The following IFNGR1 variants were observed in gnomAD, a reference collection of about 807,000 sequenced individuals.
IFNGR1 encodes interferon gamma receptor 1, also known as AVP, type 2.
Under a neutral mutation model 35.4 loss-of-function variants are expected in IFNGR1, and 23 were observed. That is an observed-to-expected ratio of 0.65 (90% confidence interval 0.47 to 0.92). The LOEUF is 0.92. IFNGR1 is among the 40% of genes least tolerant of loss of function. IFNGR1 has a pLI of 0.00. For synonymous variants in IFNGR1, 199 were observed against 209.5 expected, an observed-to-expected ratio of 0.95 and a Z score of 0.43; for missense variants, 533 against 583.4, an observed-to-expected ratio of 0.91 and a Z score of 0.89.
In IFNGR1 at chr6:137,206,313, A is replaced by T; in HGVS notation, c.201-5T>A. The T allele has an allele frequency of 6.3e-7, 1 of 1,580,446 alleles. No homozygotes were observed. The highest frequency in any genetic ancestry group is 8.7e-7 in the Non-Finnish European group (1 of 1,149,942). On this transcript the variant is annotated splice_polypyrimidine_tract_variant and splice_region_variant and intron_variant, in intron 2 of 6. Coordinates refer to ENST00000367739, the MANE Select transcript of IFNGR1 (RefSeq NM_000416.3). ...ATCCATTCTGAATTCTTAACACTAA[A>T]AAGAATAAAAAAATGCGAAGATAAC...
At chr6:137,215,432 C>T (rs938861804) in intron 1 of IFNGR1, 5 of 1,146,894 alleles carry the variant, frequency 4.4e-6, no homozygotes, top group Non-Finnish European at 4.9e-6. Context: ...ATACACAAGA[C>T]CTAAACAGAT....
chr6:137,208,960 AG>A (rs1779513080), intron 1 of IFNGR1, among the ~76,000 whole-genome samples: 1 of 152,226 alleles, frequency 6.6e-6, no homozygotes, highest in African/African-American at 2.4e-5. Context: ...GCAAAGCCAC[AG>A]GGGCAGAGCT....
chr6:137,215,699 CACACACACACAA>C (rs1332929116), intron 1 of IFNGR1, among the ~76,000 whole-genome samples: 13 of 152,058 alleles, frequency 8.5e-5, no homozygotes, highest in Non-Finnish European at 1.8e-4. Context: ...CACAAACACA[CACACACACACAA>C]ACACACACAC....
At chr6:137,200,236 C>T (rs187542749) in intron 6 of IFNGR1, among the ~76,000 whole-genome samples, 1 of 152,298 alleles carries the variant, frequency 6.6e-6, no homozygotes, top group East Asian at 1.9e-4. Context: ...CTTTGAGCAT[C>T]ACAGATATTA....
chr6:137,211,514 C>T (rs1013722919), intron 1 of IFNGR1, among the ~76,000 whole-genome samples: 2 of 152,256 alleles, frequency 1.3e-5, no homozygotes, highest in East Asian at 1.9e-4. Flanking sequence ...TTTTTGTGGC[C>T]AGTGACCAGA....
rs1481882396 is a variant in IFNGR1 at position 137,198,323 on chromosome 6, G to A, written c.1178C>T (p.Ala393Val). Residue 393 changes from alanine to valine, a missense_variant, in exon 7 of 7, where the codon GCT (alanine) becomes GTT (valine). Physicochemically the swap from Ala to Val is moderately conservative, Grantham distance 64. Transcript: ENST00000367739. Reference protein sequence around the residue: ...SSNQSEPGSIALNSYHSRNCS... With the variant: ...SSNQSEPGSIVLNSYHSRNCS... The stretch of plus-strand genomic sequence containing the variant: ...ATTTCTGGAGTGATACGAGTTTAAA[G>A]CGATGCTGCCAGGTTCAGACTGGTT... 2 of 1,613,364 alleles carry A rather than the reference G, an allele frequency of 1.2e-6. No individual in the cohort carries two copies. The highest frequency in any genetic ancestry group is 1.7e-6 in the Non-Finnish European group (2 of 1,179,936).
chr6:137,218,597 C>G lies in IFNGR1; in HGVS notation c.85+646G>C, dbSNP rs555880794. The G allele has an allele frequency of 1.2e-4, 100 of 813,800 alleles. No homozygotes were observed. The East Asian group carries it at 5.6e-3, about 45-fold the overall frequency. The allele number at this position is 813,800 out of a possible 1,614,324, so 50.4% of individuals were successfully genotyped here. A position where few individuals can be genotyped will look rare whatever the true frequency, so the allele number is the denominator to read the frequency against. On this transcript the variant is annotated intron_variant, in intron 1 of 6. Transcript: ENST00000367739. ...ACCCTAAGCACTTTGAGTCCCCCCC[C>G]CCACCCCCGCTAAGAAAGAAGTATT...
At chr6:137,205,237 C>T (rs559736563) in intron 3 of IFNGR1, among the ~76,000 whole-genome samples, 3 of 151,994 alleles carry the variant, frequency 2.0e-5, no homozygotes, top group Non-Finnish European at 4.4e-5. Flanking sequence ...TAGAAGAGAC[C>T]GAGGTGGCAC....
intron 1 of IFNGR1, 114 bp downstream of exon 1, chr6:137,219,129 G>A (rs1387783740): frequency 1.4e-6 from 2 of 1,386,674 alleles, no homozygotes; most frequent in East Asian, 2.5e-5. Context: ...GCCCGACGCA[G>A]GGGTCCCGGG....
chr6:137,213,324 A>C lies in IFNGR1; in HGVS notation c.85+5919T>G, dbSNP rs530935529. Among the ~76,000 whole-genome samples, 8 of 152,324 alleles carry C rather than the reference A, an allele frequency of 5.3e-5. No individual in the cohort carries two copies. The East Asian group carries it at 1.5e-3, about 29-fold the overall frequency. ...TGAAAATGCCAAGATAGTTTTGTGTAACTCATGTTGCTTTTGGAAATGGAC... is the reference window on the plus strand; with the variant it reads ...TGAAAATGCCAAGATAGTTTTGTGTCACTCATGTTGCTTTTGGAAATGGAC... On this transcript the variant is annotated intron_variant, in intron 1 of 6. Coordinates refer to ENST00000367739, the MANE Select transcript of IFNGR1 (RefSeq NM_000416.3).
At chr6:137,215,619 C>CAACT (rs1360372421) in intron 1 of IFNGR1, among the ~76,000 whole-genome samples, 3 of 152,182 alleles carry the variant, frequency 2.0e-5, no homozygotes, top group African/African-American at 7.2e-5. Flanking sequence ...GTTTGTAAAG[C>CAACT]AACTTCACTA....
chr6:137,218,881 AG>A (rs1285092775), intron 1 of IFNGR1: 1 of 383,412 alleles, frequency 2.6e-6, no homozygotes, highest in Non-Finnish European at 5.0e-6. Flanking sequence ...CCATAAAAAA[AG>A]GTACAGTAAG....
At position 137,200,945 on chromosome 6, in the gene IFNGR1, A is replaced by C; in HGVS notation, c.797T>G (p.Ile266Ser). ...LLFLVLSLVF[I>S]CFYIKKINPL... is the part of the protein sequence containing the mutation. ...ATTAATTTTCTTAATATAAAAACAG[A>C]TGAATACCAGGCTAAGCACTAGAAA... Residue 266 changes from isoleucine to serine, a missense_variant, in exon 6 of 7, where the codon ATC (isoleucine) becomes AGC (serine). Transcript: ENST00000367739. The C allele has an allele frequency of 1.2e-6, 2 of 1,611,434 alleles. No homozygotes were observed. The highest frequency in any genetic ancestry group is 2.2e-5 in the South Asian group (2 of 90,970).
intron 6 of IFNGR1, among the ~76,000 whole-genome samples, chr6:137,199,549 A>ATTATATATAATATATT (rs1582629980): frequency 1.6e-4 from 2 of 12,688 alleles, no homozygotes; most frequent in East Asian, 2.5e-3. Context: ...TATATTATAT[A>ATTATATATAATATATT]ACATATAAAA....
intron 5 of IFNGR1, among the ~76,000 whole-genome samples, chr6:137,202,899 G>C (rs954177520): frequency 2.6e-5 from 4 of 151,900 alleles, no homozygotes; most frequent in African/African-American, 9.7e-5. Flanking sequence ...TAAGGTTCCT[G>C]ACACCTGAGA....
chr6:137,207,408 C>A (rs1040445496), intron 1 of IFNGR1, among the ~76,000 whole-genome samples: 2 of 152,124 alleles, frequency 1.3e-5, no homozygotes, highest in Non-Finnish European at 2.9e-5. Context: ...ATCCTCATTT[C>A]ATCACTAGAA....
Position 137,206,982 on chromosome 6 carries a change from CG to C in IFNGR1, c.180del (p.Val61Ter). Reference protein sequence around the residue: ...YQIMPQVPVFTVEVKNYGVKN... With the variant: ...YQIMPQVPVFXVEVKNYGVKN... ...ACTCACCCATAGTTCTTTACCTCTA[CG>C]GTAAAAACAGGGACCTGTGGCATGA... is the stretch of plus-strand genomic sequence containing the variant. On this transcript the variant is annotated frameshift_variant, in exon 2 of 7. Coordinates refer to ENST00000367739, the MANE Select transcript of IFNGR1 (RefSeq NM_000416.3). LOFTEE classifies it high-confidence loss of function. The C allele has an allele frequency of 6.2e-7, 1 of 1,607,638 alleles. No individual in the cohort carries two copies. Among genetic ancestry groups the C allele is most frequent in the Non-Finnish European group, 8.5e-7 (1 of 1,174,194 alleles).
At chr6:137,219,162 G>T in intron 1 of IFNGR1, 81 bp downstream of exon 1, 1 of 1,525,822 alleles carries the variant, frequency 6.6e-7, no homozygotes, top group South Asian at 1.2e-5. Flanking sequence ...CGGAGAAGCG[G>T]GGCGGGGCTT....
rs1779121336 is a variant in IFNGR1 at position 137,197,779 on chromosome 6, G to C, written c.*252C>G. On this transcript the variant is annotated 3_prime_UTR_variant, in exon 7 of 7. Transcript: ENST00000367739. ...GAGTACTGGATACTGTTCCGTTACTGGTAACCTATCTGGATGTAAAGGTTC... is the reference window on the plus strand; with the variant it reads ...GAGTACTGGATACTGTTCCGTTACTCGTAACCTATCTGGATGTAAAGGTTC... 2.3e-6 allele frequency: 1 copy of C among 429,676 alleles called. No individual in the cohort carries two copies. The highest frequency in any genetic ancestry group is 2.0e-5 in the African/African-American group (1 of 49,320). 26.6% of individuals were successfully genotyped at this position (429,676 alleles called of 1,614,324 possible).
Sources: allele counts gnomAD v4.1 joint callset (sites outside exome capture counted in the v4.1 genomes callset), GRCh38; gene constraint gnomAD v4.1.1; transcripts MANE v1.5; gene names NCBI Gene and HGNC (gene_info 2026-07-23, HGNC 2026-07-21).